Variants in PCDHGA2 observed in about 807,000 individuals in gnomAD.
PCDHGA2 encodes protocadherin gamma subfamily A, 2.
A neutral mutation model predicts 59.2 loss-of-function variants in PCDHGA2; 40 were observed. That is an observed-to-expected ratio of 0.68 (90% CI 0.52 to 0.88). The LOEUF is 0.88. Ranked by LOEUF, PCDHGA2 falls within the 40% of genes least tolerant of loss-of-function variation. The probability of loss-of-function intolerance (pLI) is 0.00; values close to 1 mark genes in which losing one functional copy is unlikely to be tolerated. For missense variants in PCDHGA2, 1,226 were observed against 1,204.0 expected, an observed-to-expected ratio of 1.02 and a Z score of -0.27; for synonymous variants, 560 against 526.0, an observed-to-expected ratio of 1.06 and a Z score of -0.89.
At chr5:141,422,690 T>G (rs1384522137) in intron 1 of PCDHGA2, 1 of 1,603,908 alleles carries the variant, frequency 6.2e-7, no homozygotes, top group Admixed American at 1.7e-5. Context: ...AATGCCCTGG[T>G]CACTTACTCT....
At position 141,382,966 on chromosome 5, in the gene PCDHGA2, C is replaced by A. The variant is rs36077896; in HGVS notation, c.2424+41571C>A. ...CCTGCTCTCCATCCTCCTGGGGACC[C>A]CCTGGGAAGCCTGGGCAGGACGTAT... On this transcript the variant is annotated intron_variant, in intron 1 of 3. Coordinates refer to ENST00000394576, the MANE Select transcript of PCDHGA2 (RefSeq NM_018915.4). 1,675 of 1,609,050 alleles carry A rather than the reference C, an allele frequency of 1.0e-3. 6 individuals are homozygous for A. Among genetic ancestry groups the A allele is most frequent in the Middle Eastern group, 5.5e-3 (33 of 6,044 alleles).
intron 3 of PCDHGA2, among the ~76,000 whole-genome samples, chr5:141,510,034 T>A (rs2099879281): frequency 6.6e-6 from 1 of 152,156 alleles, no homozygotes; most frequent in Non-Finnish European, 1.5e-5. Flanking sequence ...TGGGCTGTTA[T>A]GTAGAGGTTA....
At chr5:141,350,827 G>A (rs763130974) in intron 1 of PCDHGA2, 4 of 1,613,880 alleles carry the variant, frequency 2.5e-6, no homozygotes, top group East Asian at 2.2e-5. Flanking sequence ...GTAAATATCC[G>A]GTATTACTGC....
At chr5:141,358,383 C>T (rs1020680393) in intron 1 of PCDHGA2, among the ~76,000 whole-genome samples, 2 of 152,124 alleles carry the variant, frequency 1.3e-5, no homozygotes, top group Admixed American at 6.5e-5. Flanking sequence ...CTCTACCATG[C>T]TTTGCTTGAA....
At chr5:141,351,040 G>C in intron 1 of PCDHGA2, 1 of 1,614,076 alleles carries the variant, frequency 6.2e-7, no homozygotes, top group Admixed American at 1.7e-5. Flanking sequence ...CCGTGCTGCG[G>C]GTGATGGCCA....
chr5:141,459,295 A>C (rs571675117), intron 1 of PCDHGA2, among the ~76,000 whole-genome samples: 2 of 152,368 alleles, frequency 1.3e-5, no homozygotes, highest in South Asian at 4.1e-4. Context: ...ATGGAATCCT[A>C]TAACATATAC....
Position 141,510,968 on chromosome 5 carries a change from C to A in PCDHGA2, c.2594C>A (p.Thr865Asn). 1 of 1,614,150 alleles carries A rather than the reference C, an allele frequency of 6.2e-7. No individual in the cohort carries two copies. The highest frequency in any genetic ancestry group is 8.5e-7 in the Non-Finnish European group (1 of 1,180,014). The change falls in exon 4 of 4, where the codon ACC becomes AAC. Residue 865 changes from threonine (T) to asparagine (N), a missense_variant. Transcript: ENST00000394576. ...SASEAADGSS[T>N]LGGGAGTMGL... ...GCAGAAGCTGCTGATGGGAGCTCCA[C>A]CCTGGGAGGGGGTGCCGGCACCATG...
At chr5:141,415,475 C>T in intron 1 of PCDHGA2, 1 of 1,614,162 alleles carries the variant, frequency 6.2e-7, no homozygotes, top group Non-Finnish European at 8.5e-7. Flanking sequence ...ACCGCGGACT[C>T]GCGAAAGAGT....
chr5:141,428,251 T>G, intron 1 of PCDHGA2: 2 of 893,496 alleles, frequency 2.2e-6, no homozygotes, highest in Non-Finnish European at 3.6e-6. Context: ...ACTGCCAGAC[T>G]TCAGTGACAG....
rs1334965321 is a variant in PCDHGA2, at chr5:141,432,195, C to T, written c.2425-62612C>T. 3 of 1,614,088 alleles carry T rather than the reference C, an allele frequency of 1.9e-6. No homozygotes were observed. The Admixed American group carries it at 5.0e-5, about 27-fold the overall frequency. ...CTCGTCTCTGTGACCGCCCACGACC[C>T]CGACTGTGAAGAGAACGCCCAGATC... On this transcript the variant is annotated intron_variant, in intron 1 of 3. Transcript: ENST00000394576. This position sits in a 1 kb window ranked among gnomAD's most constrained non-coding sequence, Gnocchi z 6.0.
intron 1 of PCDHGA2, chr5:141,370,713 GA>G (rs1767141333): frequency 6.2e-7 from 1 of 1,613,856 alleles, no homozygotes; most frequent in African/African-American, 1.3e-5. Context: ...TCTGGAATTT[GA>G]AATGGTTGCT....
chr5:141,497,840 C>T (rs1326804289), intron 2 of PCDHGA2, among the ~76,000 whole-genome samples: 1 of 152,154 alleles, frequency 6.6e-6, no homozygotes, highest in Non-Finnish European at 1.5e-5. Context: ...CCGGCCACAA[C>T]AAACATTTTT....
chr5:141,381,817 T>TTTC (rs1262770842), intron 1 of PCDHGA2, among the ~76,000 whole-genome samples: 10 of 136,280 alleles, frequency 7.3e-5, no homozygotes, highest in East Asian at 4.1e-4. Context: ...TCTTTCTTTC[T>TTTC]TTCTTCTTCT....
At chr5:141,421,582 G>A (rs531591776) in intron 1 of PCDHGA2, 4 of 1,613,874 alleles carry the variant, frequency 2.5e-6, no homozygotes, top group Non-Finnish European at 2.5e-6. Flanking sequence ...GAAGATTTAC[G>A]GAGTGGAGGT....
chr5:141,417,709 C>T lies in PCDHGA2; in HGVS notation c.2424+76314C>T, dbSNP rs533902963. 1.5e-5 allele frequency: 18 copies of T among 1,238,872 alleles called. No individual in the cohort carries two copies. The East Asian group carries it at 1.8e-4, about 12-fold the overall frequency. 76.7% of individuals were successfully genotyped at this position (1,238,872 alleles called of 1,614,324 possible). ...AAGAAAACCAGCTCCCACACAGAGG[C>T]TCCCGGCTGCGCAGACCTTGCCCAG... On this transcript the variant is annotated intron_variant, in intron 1 of 3. Coordinates refer to ENST00000394576, the MANE Select transcript of PCDHGA2 (RefSeq NM_018915.4).
At chr5:141,414,936 G>T in intron 1 of PCDHGA2, 1 of 1,614,118 alleles carries the variant, frequency 6.2e-7, no homozygotes, top group South Asian at 1.1e-5. Context: ...GCTCCGCAGA[G>T]CCCGGCTACC....
chr5:141,384,959 A>G (rs771197511), intron 1 of PCDHGA2: 2 of 1,613,600 alleles, frequency 1.2e-6, no homozygotes, highest in Admixed American at 1.7e-5. Flanking sequence ...CCTTACAACT[A>G]TGACCTCACG....
chr5:141,413,217 C>A (rs762828191), intron 1 of PCDHGA2: 8 of 1,613,184 alleles, frequency 5.0e-6, no homozygotes, highest in African/African-American at 1.3e-5. Context: ...CAAAGGATTG[C>A]AGCGGGCTGG....
intron 1 of PCDHGA2, chr5:141,345,764 G>A: frequency 6.2e-7 from 1 of 1,614,190 alleles, no homozygotes; most frequent in South Asian, 1.1e-5. Flanking sequence ...GCGTGGAGCT[G>A]GCGCCTCGCT....
Sources: gnomAD v4.1 joint callset for allele counts (sites outside exome capture counted in the v4.1 genomes callset) on GRCh38, gnomAD v4.1.1 for gene constraint, Gnocchi (gnomAD v3.1) non-coding constraint, MANE v1.5 for transcripts, NCBI Gene and HGNC (gene_info 2026-07-23, HGNC 2026-07-21) for gene names.